RAET1L: variants seen among roughly 807,000 people sequenced by gnomAD.
RAET1L encodes retinoic acid early transcript 1L.
A neutral mutation model predicts 23.9 loss-of-function variants in RAET1L; 16 were observed. The observed-to-expected ratio is 0.67, with a 90% CI of 0.45 to 1.02. RAET1L has a LOEUF of 1.02. RAET1L is among the 50% of genes least tolerant of loss of function. The probability of loss-of-function intolerance (pLI) is 0.00; values close to 1 mark genes in which losing one functional copy is unlikely to be tolerated. For synonymous variants in RAET1L, 70 were observed against 111.2 expected (o/e 0.63, Z 2.33); for missense variants, 233 against 304.0 (o/e 0.77, Z 1.74).
chr6:150,018,848 T>G lies in RAET1L; in HGVS notation c.*30A>C, dbSNP rs1443125106. On this transcript the variant is annotated 3_prime_UTR_variant, in exon 5 of 5. Coordinates refer to ENST00000367341, the MANE Select transcript of RAET1L (RefSeq NM_130900.3). ...TGCTCACAGGGGCTTTTTGGTATCATCTTTAACCTTCAGAAAGGACCCAAA... is the reference window on the plus strand; with the variant it reads ...TGCTCACAGGGGCTTTTTGGTATCAGCTTTAACCTTCAGAAAGGACCCAAA... The G allele has an allele frequency of 4.1e-5, 14 of 341,730 alleles. No homozygotes were observed. Among genetic ancestry groups the G allele is most frequent in the African/African-American group, 1.8e-4 (8 of 44,948 alleles). 21.2% of individuals were successfully genotyped at this position (341,730 alleles called of 1,614,324 possible).
rs1476209010 is a variant in RAET1L at position 150,018,472 on chromosome 6, G to T, written c.*406C>A. On this transcript the variant is annotated 3_prime_UTR_variant, in exon 5 of 5. Coordinates refer to ENST00000367341, the MANE Select transcript of RAET1L (RefSeq NM_130900.3). ...CAGGACATGGAAAGAATCCCTGGAG[G>T]TCTGAAGTCTAACATGATTGTTTTA... 1 of 152,050 alleles carries T rather than the reference G, an allele frequency of 6.6e-6. No homozygotes were observed. The highest frequency in any genetic ancestry group is 2.4e-5 in the African/African-American group (1 of 41,372). 9.4% of individuals were successfully genotyped at this position (152,050 alleles called of 1,614,324 possible). A position where few individuals can be genotyped will look rare whatever the true frequency, so the allele number is the denominator to read the frequency against.
rs140130633 is a variant in RAET1L, at chr6:150,020,885, G to T, written c.631+20C>A. ...ATTTCTGATCTCATTTAAGATCCCC[G>T]TTTCTTTTTCTCCTGTTACCTCCTG... On this transcript the variant is annotated intron_variant, in intron 3 of 4. Coordinates refer to ENST00000367341, the MANE Select transcript of RAET1L (RefSeq NM_130900.3). The T allele has an allele frequency of 6.2e-7, 1 of 1,611,422 alleles. No individual in the cohort carries two copies. The highest frequency in any genetic ancestry group is 1.3e-5 in the African/African-American group (1 of 74,830).
intron 3 of RAET1L, among the ~76,000 whole-genome samples, 196 bp from the exon 4 acceptor site, chr6:150,020,435 C>G (rs990914592): frequency 1.6e-4 from 25 of 152,104 alleles, no homozygotes; most frequent in Non-Finnish European, 2.9e-5. Context: ...GGAGCTCACA[C>G]AGCTGCTGAG....
intron 1 of RAET1L, among the ~76,000 whole-genome samples, chr6:150,023,541 G>A (rs1252137135): frequency 3.3e-5 from 5 of 152,184 alleles, no homozygotes; most frequent in Admixed American, 6.5e-5. Flanking sequence ...TTGTAAACAT[G>A]TAAAGGTGTT....
intron 4 of RAET1L, among the ~76,000 whole-genome samples, chr6:150,019,428 G>C (rs1352593616): frequency 6.6e-6 from 1 of 152,208 alleles, no homozygotes; most frequent in Non-Finnish European, 1.5e-5. Flanking sequence ...GCAGGGCTAT[G>C]ACTGGGCTCA....
At chr6:150,024,503 AC>A (rs199710249) in intron 1 of RAET1L, among the ~76,000 whole-genome samples, 1,993 of 151,550 alleles carry the variant, frequency 0.013, 86 homozygotes, top group Admixed American at 0.072. Flanking sequence ...GGGTTTGCTG[AC>A]CCCTGTCTAC....
intron 1 of RAET1L, among the ~76,000 whole-genome samples, 154 bp downstream of exon 1, chr6:150,025,233 C>A (rs1238755101): frequency 2.0e-5 from 3 of 152,202 alleles, no homozygotes; most frequent in African/African-American, 7.2e-5. Flanking sequence ...GTGGACCCGG[C>A]GGGAAGGAGC....
chr6:150,021,328 C>T, intron 2 of RAET1L, 142 bp from the exon 3 acceptor site: 1 of 1,109,800 alleles, frequency 9.0e-7, no homozygotes, highest in South Asian at 1.8e-5. Flanking sequence ...ATGACCTTCC[C>T]ATTTGTATTT....
At chr6:150,024,469 G>T (rs555058209) in intron 1 of RAET1L, among the ~76,000 whole-genome samples, 47 of 152,132 alleles carry the variant, frequency 3.1e-4, no homozygotes, top group African/African-American at 1.0e-3. Flanking sequence ...AGATCACAGG[G>T]CATCCTTCCT....
intron 4 of RAET1L, among the ~76,000 whole-genome samples, chr6:150,019,503 CG>C (rs972898353): frequency 3.3e-5 from 5 of 151,998 alleles, no homozygotes; most frequent in Non-Finnish European, 5.9e-5. Flanking sequence ...TCAAACCCCA[CG>C]GGTACATGGG....
chr6:150,023,241 C>T (rs1233121662), intron 1 of RAET1L, among the ~76,000 whole-genome samples: 1 of 152,064 alleles, frequency 6.6e-6, no homozygotes, highest in Admixed American at 6.5e-5. Flanking sequence ...CAAAGGGGTC[C>T]AAAGTCCAAA....
At chr6:150,023,506 A>G (rs2184455) in intron 1 of RAET1L, among the ~76,000 whole-genome samples, 12 of 152,274 alleles carry the variant, frequency 7.9e-5, no homozygotes, top group East Asian at 1.9e-4. Flanking sequence ...TTTATGGCCA[A>G]TAGAGTTTGC....
rs1170971867 is a variant in RAET1L at position 150,021,145 on chromosome 6, C to T, written c.391G>A (p.Ala131Thr). The part of the protein sequence containing the change: ...LQARMSCEQK[A>T]EGHSSGSWQF... ...CAAGATCCACTGCTGTGTCCTTCAGCTTTCTGCTCACAAGACATCCTTGCC... is the reference window on the plus strand; with the variant it reads ...CAAGATCCACTGCTGTGTCCTTCAGTTTTCTGCTCACAAGACATCCTTGCC... The change falls in exon 3 of 5, where the codon GCT becomes ACT. Residue 131 changes from alanine to threonine, a missense_variant. Transcript: ENST00000367341. 8 of 1,614,082 alleles carry T rather than the reference C, an allele frequency of 5.0e-6. No homozygotes were observed. The highest frequency in any genetic ancestry group is 6.8e-6 in the Non-Finnish European group (8 of 1,180,008).
chr6:150,023,598 C>T (rs35285751), intron 1 of RAET1L, among the ~76,000 whole-genome samples: 12 of 151,860 alleles, frequency 7.9e-5, no homozygotes, highest in East Asian at 5.8e-4. Flanking sequence ...GCTGTTGAAG[C>T]TCAAAAGCAG....
chr6:150,023,716 G>T, intron 1 of RAET1L, among the ~76,000 whole-genome samples: 1 of 152,128 alleles, frequency 6.6e-6, no homozygotes, highest in Non-Finnish European at 1.5e-5. Flanking sequence ...TGTCTAATTG[G>T]AGAATCACAA....
chr6:150,025,261 C>T (rs1775873973), intron 1 of RAET1L, 126 bp downstream of exon 1: 3 of 748,700 alleles, frequency 4.0e-6, no homozygotes, highest in Non-Finnish European at 6.5e-6. Context: ...GGGAACTGAG[C>T]TGGGGGCGCA....
At position 150,025,491 on chromosome 6, in the gene RAET1L, G is replaced by A. The variant is rs1172917412; in HGVS notation, c.-20C>T. On this transcript the variant is annotated 5_prime_UTR_variant, in exon 1 of 5. Coordinates refer to ENST00000367341, the MANE Select transcript of RAET1L (RefSeq NM_130900.3). ...TGCCATTGGGGACCAGGAGGGCTGG[G>A]GACAAGAGATTTAATCAAGGTGGAT... 3 of 1,601,994 alleles carry A rather than the reference G, an allele frequency of 1.9e-6. No homozygotes were observed. The highest frequency in any genetic ancestry group is 2.7e-5 in the African/African-American group (2 of 74,650).
intron 3 of RAET1L, among the ~76,000 whole-genome samples, chr6:150,020,659 TGGTGA>T (rs1779874060): frequency 6.6e-6 from 1 of 152,068 alleles, no homozygotes; most frequent in Non-Finnish European, 1.5e-5. Context: ...GTTTCAAGGC[TGGTGA>T]GAAATCCACA....
chr6:150,020,147 T>C lies in RAET1L; in HGVS notation c.724A>G (p.Ile242Val). 8.4e-7 allele frequency: 1 copy of C among 1,190,114 alleles called. No individual in the cohort carries two copies. Among genetic ancestry groups the C allele is most frequent in the African/African-American group, 1.6e-5 (1 of 64,242 alleles). The allele number at this position is 1,190,114 out of a possible 1,614,324, so 73.7% of individuals were successfully genotyped here. ...CCLLIILPCF[I>V]LPGI is the part of the protein sequence containing the mutation. The stretch of plus-strand genomic sequence containing the variant: ...GACTCTCCTCAGATGCCAGGGAGGA[T>C]GAAGCAGGGGAGGATGATGAGGAGG... Residue 242 changes from isoleucine to valine, a missense_variant, in exon 4 of 5, where the codon ATC (isoleucine) becomes GTC (valine). Physicochemically the swap from Ile to Val is conservative, Grantham distance 29 (BLOSUM62 3). Around this residue, in one of 4 missense-constraint regions of RAET1L, gnomAD observed 8 missense variants for 36.3 expected, o/e 0.22. Transcript: ENST00000367341.
Sources: allele counts gnomAD v4.1 joint callset (sites outside exome capture counted in the v4.1 genomes callset), GRCh38; gene constraint gnomAD v4.1.1; regional missense constraint gnomAD v4.1.1; transcripts MANE v1.5; gene names NCBI Gene and HGNC (gene_info 2026-07-23, HGNC 2026-07-21).